ABCA1: variants seen among roughly 807,000 people sequenced by gnomAD.
ABCA1 encodes phospholipid-transporting ATPase ABCA1.
Under a neutral mutation model 262.5 loss-of-function variants are expected in ABCA1, and 133 were observed. The observed-to-expected ratio is 0.51, with a 90% CI of 0.44 to 0.59. The LOEUF (loss-of-function observed/expected upper bound fraction) is 0.59, where lower values mean the gene tolerates loss of function less well. ABCA1 is among the 20% of genes least tolerant of loss of function. ABCA1 has a pLI of 0.00. For synonymous variants in ABCA1, 1,022 were observed against 1,043.5 expected, an observed-to-expected ratio of 0.98 and a Z score of 0.40; for missense variants, 2,452 against 2,777.5, an observed-to-expected ratio of 0.88 and a Z score of 2.63.
At chr9:104,819,490 C>T (rs1367684741) in intron 22 of ABCA1, 96 bp downstream of exon 22, 19 of 1,562,994 alleles carry the variant, frequency 1.2e-5, no homozygotes, top group Non-Finnish European at 1.5e-5. Flanking sequence ...TATCCCATGG[C>T]TTCACAGAAG....
At chr9:104,814,538 C>T in intron 25 of ABCA1, 63 bp from the exon 26 acceptor site, 2 of 1,467,006 alleles carry the variant, frequency 1.4e-6, no homozygotes, top group Non-Finnish European at 1.9e-6. Context: ...TCACCACTGC[C>T]ACGATTATTA....
At position 104,806,352 on chromosome 9, in the gene ABCA1, A is replaced by C; in HGVS notation, c.4353T>G (p.Asn1451Lys). ...AAGGGTTCTGCATTGTCCAGTTCCC[A>C]TTCTGGAAGAGGTCCATGATGGTCT... ...VPQTIMDLFQ[N>K]GNWTMQNPSP... is the part of the protein sequence containing the mutation. Residue 1451 changes from asparagine to lysine, a missense_variant, in exon 31 of 50, where the codon AAT becomes AAG. Transcript: ENST00000374736. 3 of 1,614,070 alleles carry C rather than the reference A, an allele frequency of 1.9e-6. No homozygotes were observed. The highest frequency in any genetic ancestry group is 2.5e-6 in the Non-Finnish European group (3 of 1,180,002).
At chr9:104,847,808 C>T (rs558365160) in intron 7 of ABCA1, among the ~76,000 whole-genome samples, 18 of 152,192 alleles carry the variant, frequency 1.2e-4, no homozygotes, top group South Asian at 2.1e-4. Flanking sequence ...ATTTGCCAAA[C>T]GGCAAAATAA....
At chr9:104,903,864 AC>A (rs1157381803) in intron 1 of ABCA1, 93 bp from the exon 2 acceptor site, 2 of 643,298 alleles carry the variant, frequency 3.1e-6, no homozygotes, top group Admixed American at 4.7e-5. Context: ...CTCAGCTGAG[AC>A]CTCCAACACA....
chr9:104,803,402 A>T, intron 32 of ABCA1, 86 bp from the exon 33 acceptor site: 7 of 1,294,408 alleles, frequency 5.4e-6, no homozygotes, highest in South Asian at 1.2e-5. Flanking sequence ...TATCCACCTG[A>T]GGATATAAGG....
Position 104,927,309 on chromosome 9 carries a change from C to A in ABCA1, c.-93+626G>T, listed in dbSNP as rs115433325. 4.0e-3 allele frequency among the ~76,000 whole-genome samples: 607 copies of A among 152,248 alleles called. 8 individuals are homozygous for A. Among genetic ancestry groups the A allele is most frequent in the African/African-American group, 0.014 (573 of 41,556 alleles). ...CACGGAGACTGTAGGCAGGACCTCCCTACCCCTCAGGTCAAACAAAGACCC... is the reference window on the plus strand; with the variant it reads ...CACGGAGACTGTAGGCAGGACCTCCATACCCCTCAGGTCAAACAAAGACCC... On this transcript the variant is annotated intron_variant, in intron 1 of 49. Coordinates refer to ENST00000374736, the MANE Select transcript of ABCA1 (RefSeq NM_005502.4).
chr9:104,807,855 C>T (rs866261771), intron 30 of ABCA1, among the ~76,000 whole-genome samples: 41 of 135,182 alleles, frequency 3.0e-4, no homozygotes, highest in Admixed American at 2.0e-3. Flanking sequence ...TACACACACA[C>T]ACACACACAC....
chr9:104,785,542 C>T lies in ABCA1; in HGVS notation c.6499G>A (p.Val2167Ile). ...DFFGLAFPGS[V>I]LKEKHRNMLQ... ...ATGTTCCGGTGTTTCTCTTTTAGAACACTTCCAGGAAATGCAAGTCCAAAG... is the reference window on the plus strand; with the variant it reads ...ATGTTCCGGTGTTTCTCTTTTAGAATACTTCCAGGAAATGCAAGTCCAAAG... The change falls in exon 49 of 50, where the codon GTT (valine) becomes ATT (isoleucine). Residue 2167 changes from valine to isoleucine, a missense_variant. Around this residue, in one of 4 missense-constraint regions of ABCA1, gnomAD observed 752 missense variants for 944.5 expected, o/e 0.80. Coordinates refer to ENST00000374736, the MANE Select transcript of ABCA1 (RefSeq NM_005502.4). 6.4e-7 allele frequency: 1 copy of T among 1,570,082 alleles called. No homozygotes were observed. The highest frequency in any genetic ancestry group is 8.7e-7 in the Non-Finnish European group (1 of 1,152,572).
intron 7 of ABCA1, chr9:104,855,656 G>A (rs1835771599): frequency 5.5e-6 from 8 of 1,466,614 alleles, no homozygotes; most frequent in Non-Finnish European, 7.2e-6. Context: ...ACAACAAAGA[G>A]TCAAATATAT....
intron 2 of ABCA1, among the ~76,000 whole-genome samples, chr9:104,894,682 AC>A (rs1840050772): frequency 6.6e-6 from 1 of 152,170 alleles, no homozygotes; most frequent in African/African-American, 2.4e-5. Flanking sequence ...GCCATTATGG[AC>A]CCCAACCTCC....
At chr9:104,889,848 T>C (rs1011474619) in intron 2 of ABCA1, among the ~76,000 whole-genome samples, 1 of 152,218 alleles carries the variant, frequency 6.6e-6, no homozygotes, top group African/African-American at 2.4e-5. Flanking sequence ...CACTCAGGAC[T>C]GTAAAGAGAG....
At chr9:104,887,722 CTTTTTTTTTTTTTT>C (rs56828334) in intron 3 of ABCA1, among the ~76,000 whole-genome samples, 243 of 98,854 alleles carry the variant, frequency 2.5e-3, no homozygotes, top group Middle Eastern at 0.015. Flanking sequence ...TCAGTTTATG[CTTTTTTTTTTTTTT>C]TTTTTTTTGA....
chr9:104,829,659 C>T (rs894457316), intron 14 of ABCA1, among the ~76,000 whole-genome samples: 1 of 152,134 alleles, frequency 6.6e-6, no homozygotes, highest in African/African-American at 2.4e-5. Flanking sequence ...CAAAGCTTTA[C>T]CATGTAGGCA....
In ABCA1 at chr9:104,892,836, A is replaced by G. The variant is rs566480707; in HGVS notation, c.67-3641T>C. Among the ~76,000 whole-genome samples, 6 of 152,392 alleles carry G rather than the reference A, an allele frequency of 3.9e-5. No individual in the cohort carries two copies. The South Asian group carries it at 1.2e-3, about 32-fold the overall frequency. On this transcript the variant is annotated intron_variant, in intron 2 of 49. Coordinates refer to ENST00000374736, the MANE Select transcript of ABCA1 (RefSeq NM_005502.4). ...AGATATCAAAAAGCTATATGCATAA[A>G]GTTATTCATTCATTGAAACATTATA...
At chr9:104,858,344 A>T (rs1311309007) in intron 7 of ABCA1, among the ~76,000 whole-genome samples, 178 bp downstream of exon 7, 2 of 152,118 alleles carry the variant, frequency 1.3e-5, no homozygotes, top group African/African-American at 4.8e-5. Flanking sequence ...CCTTTGGGAG[A>T]TGGCCCAAAA....
intron 1 of ABCA1, among the ~76,000 whole-genome samples, chr9:104,925,523 C>T (rs1826257208): frequency 6.6e-6 from 1 of 152,074 alleles, no homozygotes; most frequent in Non-Finnish European, 1.5e-5. Context: ...GAACACTATG[C>T]GGGTGCTCAA....
rs1032046149 is a variant in ABCA1 at position 104,853,410 on chromosome 9, C to T, written c.720+5112G>A. ...GTTGGCAAAGACTGCTGTGAGGGAG[C>T]TGGTCGAGAGGTCATCAGTGAAACT... On this transcript the variant is annotated intron_variant, in intron 7 of 49. Transcript: ENST00000374736. Among the ~76,000 whole-genome samples the T allele has an allele frequency of 2.0e-5, 3 of 152,214 alleles. No homozygotes were observed. In the East Asian group the frequency reaches 5.8e-4, roughly 29 times the overall value.
Position 104,802,061 on chromosome 9 carries a change from A to C in ABCA1, c.4691T>G (p.Leu1564Arg). Residue 1564 changes from leucine to arginine, a missense_variant, in exon 34 of 50, where the codon CTG becomes CGG. Around this residue, in one of 4 missense-constraint regions of ABCA1, gnomAD observed 752 missense variants for 944.5 expected, o/e 0.80. Coordinates refer to ENST00000374736, the MANE Select transcript of ABCA1 (RefSeq NM_005502.4). ...AIKQMKKHLK[L>R]AKDSSADRFL... ...TTACGATAGATATTTTACCTTGGCCAGCTTTAGGTGTTTCTTCATTTGTTT... is the reference window on the plus strand; with the variant it reads ...TTACGATAGATATTTTACCTTGGCCCGCTTTAGGTGTTTCTTCATTTGTTT... The C allele has an allele frequency of 6.2e-7, 1 of 1,614,106 alleles. No homozygotes were observed. The highest frequency in any genetic ancestry group is 8.5e-7 in the Non-Finnish European group (1 of 1,179,982).
chr9:104,828,476 C>A (rs547296612), intron 15 of ABCA1, among the ~76,000 whole-genome samples: 1 of 152,200 alleles, frequency 6.6e-6, no homozygotes, highest in Admixed American at 6.5e-5. Flanking sequence ...TCATAAATAC[C>A]CATACATCAA....
Sources: gnomAD v4.1 joint callset for allele counts (sites outside exome capture counted in the v4.1 genomes callset) on GRCh38, gnomAD v4.1.1 for gene constraint, gnomAD v4.1.1 regional missense constraint, MANE v1.5 for transcripts, NCBI Gene and HGNC (gene_info 2026-07-23, HGNC 2026-07-21) for gene names.